Variants in RORC observed in about 807,000 individuals in gnomAD.
RORC encodes nuclear receptor ROR-gamma.
A neutral mutation model predicts 64.5 loss-of-function variants in RORC; 13 were observed. The ratio of observed to expected loss-of-function variants is 0.20; its 90% CI spans 0.13 to 0.32. The LOEUF is 0.32. RORC is among the 10% of genes least tolerant of loss of function. RORC has a pLI of 1.00. For missense variants in RORC, 468 were observed against 669.5 expected (o/e 0.70, Z 3.32); for synonymous variants, 277 against 259.3 (o/e 1.07, Z -0.65).
chr1:151,825,446 G>A (rs1334986528), intron 2 of RORC, among the ~76,000 whole-genome samples: 3 of 152,116 alleles, frequency 2.0e-5, no homozygotes, highest in East Asian at 1.9e-4. Flanking sequence ...GTTGACTCTC[G>A]CTGTCCTGTT....
intron 2 of RORC, among the ~76,000 whole-genome samples, chr1:151,827,442 C>G (rs1297626759): frequency 6.6e-6 from 1 of 152,160 alleles, no homozygotes; most frequent in South Asian, 2.1e-4. Flanking sequence ...CTCTTAGGTG[C>G]TTTGTGGGGT....
chr1:151,808,210 T>A (rs11588634), intron 10 of RORC, among the ~76,000 whole-genome samples: 17,391 of 152,288 alleles, frequency 0.11, 1,055 homozygotes, highest in Non-Finnish European at 0.13. Flanking sequence ...TCTGTACCTA[T>A]CATAATGCTT....
chr1:151,819,090 C>T (rs1201100286), intron 2 of RORC, among the ~76,000 whole-genome samples: 1 of 152,114 alleles, frequency 6.6e-6, no homozygotes, highest in Non-Finnish European at 1.5e-5. Context: ...AGCTGTGGTC[C>T]CCCCAGGACC....
At chr1:151,810,573 C>T (rs1454205756) in intron 10 of RORC, among the ~76,000 whole-genome samples, 1 of 146,012 alleles carries the variant, frequency 6.8e-6, no homozygotes, top group Non-Finnish European at 1.5e-5. Flanking sequence ...CTCTTGTTGC[C>T]CAGGCTGGAG....
chr1:151,815,481 AG>A, intron 4 of RORC, 56 bp from the exon 5 acceptor site: 1 of 1,498,880 alleles, frequency 6.7e-7, no homozygotes, highest in Non-Finnish European at 8.9e-7. Flanking sequence ...GGCACAGGGC[AG>A]GGTCAGGAGG....
chr1:151,825,826 GC>G, intron 2 of RORC: 1 of 1,404,394 alleles, frequency 7.1e-7, no homozygotes, highest in South Asian at 1.2e-5. Flanking sequence ...GACGCACCCT[GC>G]TTTGCTCAGA....
In RORC at chr1:151,831,786, TCCTGGCTGC is replaced by T. The variant is rs759175405; in HGVS notation, c.-31_-23del. On this transcript the variant is annotated 5_prime_UTR_variant, in exon 1 of 11. Coordinates refer to ENST00000318247, the MANE Select transcript of RORC (RefSeq NM_005060.4). ...CCATGGGGCAGCTCCCTTGGTGCCGTCCTGGCTGCCCTGGCTGCCCAGGAGGGCAGGGAG... is the reference window on the plus strand; with the variant it reads ...CCATGGGGCAGCTCCCTTGGTGCCGTCCTGGCTGCCCAGGAGGGCAGGGAG... The T allele has an allele frequency of 1.6e-5, 26 of 1,605,478 alleles. No homozygotes were observed. The highest frequency in any genetic ancestry group is 2.7e-5 in the African/African-American group (2 of 74,956).
intron 2 of RORC, among the ~76,000 whole-genome samples, chr1:151,823,307 C>CA (rs1265060401): frequency 6.6e-6 from 1 of 152,248 alleles, no homozygotes; most frequent in Non-Finnish European, 1.5e-5. Flanking sequence ...CCCACCTCCC[C>CA]ATCCAGACCA....
intron 6 of RORC, 37 bp from the exon 7 acceptor site, chr1:151,813,657 G>A (rs1344088784): frequency 6.2e-7 from 1 of 1,608,528 alleles, no homozygotes; most frequent in South Asian, 1.1e-5. Context: ...GTAGCGCTCT[G>A]TGTGGCCCTG....
rs201571942 is a variant in RORC, at chr1:151,815,118, A to G, written c.606T>C (p.Leu202=). The G allele has an allele frequency of 3.0e-5, 49 of 1,614,024 alleles. No homozygotes were observed. The highest frequency in any genetic ancestry group is 3.9e-5 in the Non-Finnish European group (46 of 1,180,006). Residue 202 remains leucine, a synonymous_variant, in exon 5 of 11, where the codon CTT becomes CTC. Coordinates refer to ENST00000318247, the MANE Select transcript of RORC (RefSeq NM_005060.4). ...CCTTGCCCCGCTCAGGGCTGTATTC[A>G]AGGTGGCATGAGGCCCCATTGAGCC... ...KAGLNGASCH[L]EYSPERGKAE...
rs147153922 is a variant in RORC at position 151,815,049 on chromosome 1, G to C, written c.675C>G (p.Thr225=). The change falls in exon 5 of 11, where the codon ACC becomes ACG. Residue 225 remains threonine (T), a synonymous_variant. Transcript: ENST00000318247. ...ESFYSTGSQL[T]PDRCGLRFEE... ...CAAAACGAAGTCCACATCGGTCAGG[G>C]GTCAGCTGGCTGCCTGTGCTATAGA... The C allele has an allele frequency of 8.7e-6, 14 of 1,614,100 alleles. No individual in the cohort carries two copies. Among genetic ancestry groups the C allele is most frequent in the Admixed American group, 6.7e-5 (4 of 60,012 alleles).
chr1:151,830,659 C>CACACATAT lies in RORC; in HGVS notation c.40+1065_40+1066insATATGTGT, dbSNP rs59443678. ...ACACACACACACACACACACACACA[C>CACACATAT]ACAGTGCCCTTCTGCCCGGGAGATG... On this transcript the variant is annotated intron_variant, in intron 1 of 10. Coordinates refer to ENST00000318247, the MANE Select transcript of RORC (RefSeq NM_005060.4). This position sits in a 1 kb window ranked among gnomAD's most constrained non-coding sequence, Gnocchi z 4.0. Among the ~76,000 whole-genome samples the CACACATAT allele has an allele frequency of 1.4e-5, 2 of 139,054 alleles. No individual in the cohort carries two copies. The highest frequency in any genetic ancestry group is 5.3e-5 in the African/African-American group (2 of 37,410). 91.2% of individuals were successfully genotyped at this position (139,054 alleles called of 152,430 possible). A position where few individuals can be genotyped will look rare whatever the true frequency, so the allele number is the denominator to read the frequency against.
chr1:151,814,002 G>C (rs1439740395), intron 6 of RORC: 1 of 213,524 alleles, frequency 4.7e-6, no homozygotes, highest in African/African-American at 2.3e-5. Context: ...AGTGTGTTTA[G>C]AGCAGGTGGT....
intron 2 of RORC, among the ~76,000 whole-genome samples, chr1:151,824,656 G>C (rs2101672924): frequency 6.6e-6 from 1 of 152,314 alleles, no homozygotes; most frequent in Non-Finnish European, 1.5e-5. Context: ...TAACCTCTGG[G>C]AGAGCTGAGT....
At position 151,830,815 on chromosome 1, in the gene RORC, CCCCTTG is replaced by C; in HGVS notation, c.40+904_40+909del. 1 of 437,536 alleles carries C rather than the reference CCCCTTG, an allele frequency of 2.3e-6. No homozygotes were observed. Among genetic ancestry groups the C allele is most frequent in the South Asian group, 2.0e-5 (1 of 49,400 alleles). 27.1% of individuals were successfully genotyped at this position (437,536 alleles called of 1,614,324 possible). On this transcript the variant is annotated intron_variant, in intron 1 of 10. Transcript: ENST00000318247. This position sits in a 1 kb window ranked among gnomAD's most constrained non-coding sequence, Gnocchi z 4.0. The stretch of plus-strand genomic sequence containing the variant: ...AGGCCCCACCCAGCCCCGCCCACCT[CCCCTTG>C]CTCCTGCCTGGCCCCACCCAGCTTC...
intron 2 of RORC, among the ~76,000 whole-genome samples, chr1:151,823,129 A>G (rs1405646742): frequency 6.6e-6 from 1 of 152,116 alleles, no homozygotes; most frequent in African/African-American, 2.4e-5. Flanking sequence ...TGGAGTGATG[A>G]AAGGAAGGAA....
At chr1:151,831,617 T>C in intron 1 of RORC, 108 bp downstream of exon 1, 1 of 1,600,906 alleles carries the variant, frequency 6.2e-7, no homozygotes, top group Non-Finnish European at 8.5e-7. Context: ...TCTGCACTCT[T>C]GTCCCTCCCT....
chr1:151,815,215 G>A lies in RORC; in HGVS notation c.509C>T (p.Ser170Phe). 1 of 1,613,716 alleles carries A rather than the reference G, an allele frequency of 6.2e-7. No homozygotes were observed. Among genetic ancestry groups the A allele is most frequent in the Non-Finnish European group, 8.5e-7 (1 of 1,179,766 alleles). ...TTTCAGGAGGCCAGGGGGACAGGCA[G>A]AAGCCTCAGGCAGGTCAGGCGAGGA... ...LGSSPDLPEA[S>F]ACPPGLLKAS... The change falls in exon 5 of 11, where the codon TCT becomes TTT. Residue 170 changes from serine (S) to phenylalanine (F), a missense_variant. This residue lies in a region of RORC where 241 missense variants were observed against 295.5 expected (regional missense o/e 0.82). Transcript: ENST00000318247.
At chr1:151,813,374 G>T (rs764538520) in intron 7 of RORC, 28 bp from the exon 8 acceptor site, 1 of 1,610,432 alleles carries the variant, frequency 6.2e-7, no homozygotes, top group South Asian at 1.1e-5. Context: ...AAGATGCAGG[G>T]ACAGTGTCAA....
Sources: gnomAD v4.1 joint callset for allele counts (sites outside exome capture counted in the v4.1 genomes callset) on GRCh38, gnomAD v4.1.1 for gene constraint, gnomAD v4.1.1 regional missense constraint, Gnocchi (gnomAD v3.1) non-coding constraint, MANE v1.5 for transcripts, NCBI Gene and HGNC (gene_info 2026-07-23, HGNC 2026-07-21) for gene names.